Variants in ATG16L2 observed in about 807,000 individuals in gnomAD.
ATG16L2 encodes protein Atg16l2.
ATG16L2 carries 77 observed loss-of-function variants against 84.7 expected under a neutral mutation model. The observed-to-expected ratio is 0.91, with a 90% CI of 0.76 to 1.10. The LOEUF (loss-of-function observed/expected upper bound fraction) is 1.10, where lower values mean the gene tolerates loss of function less well. Among genes scored for constraint, ATG16L2 ranks in the 50% least tolerant of loss-of-function variants. The pLI is 0.00. For missense variants in ATG16L2, 782 were observed against 817.6 expected (o/e 0.96, Z 0.53); for synonymous variants, 361 against 342.8 (o/e 1.05, Z -0.59).
chr11:72,833,870 C>G (rs1565276094), downstream of ATG16L2, among the ~76,000 whole-genome samples: 1 of 151,762 alleles, frequency 6.6e-6, no homozygotes, highest in Non-Finnish European at 1.5e-5. Flanking sequence ...TTGCAGTGAG[C>G]TGACATAGTG....
At position 72,822,607 on chromosome 11, in the gene ATG16L2, G is replaced by T; in HGVS notation, c.710+64G>T. On this transcript the variant is annotated intron_variant, in intron 6 of 17. Coordinates refer to ENST00000321297, the MANE Select transcript of ATG16L2 (RefSeq NM_033388.2). The surrounding 1 kb of genome is among the most constrained non-coding windows in gnomAD (Gnocchi z 4.2). ...GCCTCCCGCCCCGCCTGCCTGCGGC[G>T]ACCCAGGCTGCCGACTGTACTTGTG... The T allele has an allele frequency of 1.9e-6, 3 of 1,580,612 alleles. No homozygotes were observed. In the South Asian group the frequency reaches 3.4e-5, roughly 18 times the overall value.
At position 72,822,917 on chromosome 11, in the gene ATG16L2, G is replaced by A. The variant is rs1860099403; in HGVS notation, c.780G>A (p.Glu260=). 8.2e-6 allele frequency: 13 copies of A among 1,579,738 alleles called. No homozygotes were observed. The highest frequency in any genetic ancestry group is 1.8e-5 in the Admixed American group (1 of 54,322). The change falls in exon 7 of 18, where the codon GAG becomes GAA. Residue 260 remains glutamate (E), a synonymous_variant. Transcript: ENST00000321297. This position sits in a 1 kb window ranked among gnomAD's most constrained non-coding sequence, Gnocchi z 4.2. ...CTCTGGCTCTGGCCCCTGAGCCAGA[G>A]CCCCTGGAGAAGGAAGCTTGTGAGA... The part of the protein sequence containing the change: ...RETLALAPEP[E]PLEKEACEKW...
downstream of ATG16L2, among the ~76,000 whole-genome samples, chr11:72,834,009 T>C (rs1860663244): frequency 1.3e-5 from 2 of 151,690 alleles, no homozygotes; most frequent in Admixed American, 1.3e-4. Context: ...TTTTTTGGCC[T>C]CTGGGACCGA....
chr11:72,814,614 G>T, intron 1 of ATG16L2, 51 bp downstream of exon 1: 1 of 1,455,970 alleles, frequency 6.9e-7, no homozygotes, highest in Non-Finnish European at 9.3e-7. Context: ...ACGCGGCTAC[G>T]GGCGCGGGGA....
chr11:72,819,697 A>T (rs1200425076), intron 3 of ATG16L2, among the ~76,000 whole-genome samples: 1 of 150,744 alleles, frequency 6.6e-6, no homozygotes, highest in Non-Finnish European at 1.5e-5. Flanking sequence ...ACCAGCCAGT[A>T]CCCATTGGAT....
At chr11:72,838,978 A>AG in intron 5 of ATG16L2, 5 of 938,930 alleles carry the variant, frequency 5.3e-6, no homozygotes, top group South Asian at 4.4e-5. Context: ...TGGGCACCCT[A>AG]GGGGTCTCAG....
At chr11:72,823,023 G>T (rs2135100845) in intron 7 of ATG16L2, 62 bp downstream of exon 7, 2 of 1,253,418 alleles carry the variant, frequency 1.6e-6, no homozygotes, top group South Asian at 1.4e-5. Context: ...GGCTGCCAGG[G>T]TCTTCCTCTT....
At chr11:72,821,584 C>G (rs927130423) in intron 3 of ATG16L2, 84 bp from the exon 4 acceptor site, 1 of 1,495,442 alleles carries the variant, frequency 6.7e-7, no homozygotes. Flanking sequence ...GGTGAGCAGC[C>G]GACTCCCTTA....
Position 72,821,654 on chromosome 11 carries a change from C to A in ATG16L2, c.319-14C>A. ...GGGGCCTCAGCGCCGCCGTGCCCAC[C>A]TGTCCGCCCCCAGATGGCCTACCAG... On this transcript the variant is annotated splice_polypyrimidine_tract_variant and intron_variant, in intron 3 of 17. Transcript: ENST00000321297. 1 of 1,532,190 alleles carries A rather than the reference C, an allele frequency of 6.5e-7. No individual in the cohort carries two copies. Among genetic ancestry groups the A allele is most frequent in the South Asian group, 1.2e-5 (1 of 83,666 alleles). The allele number at this position is 1,532,190 out of a possible 1,614,324, so 94.9% of individuals were successfully genotyped here. A position where few individuals can be genotyped will look rare whatever the true frequency, so the allele number is the denominator to read the frequency against.
chr11:72,823,334 T>G (rs975939825), intron 7 of ATG16L2: 1 of 316,550 alleles, frequency 3.2e-6, no homozygotes, highest in Non-Finnish European at 6.2e-6. Context: ...CGCAGGGACA[T>G]GAGGCCACAG....
chr11:72,827,868 G>C (rs1352549465), intron 14 of ATG16L2, among the ~76,000 whole-genome samples: 1 of 152,228 alleles, frequency 6.6e-6, no homozygotes, highest in Non-Finnish European at 1.5e-5. Flanking sequence ...GGGAGGCAGA[G>C]GTTGCAGTGA....
At chr11:72,821,922 G>C (rs1385143539) in intron 4 of ATG16L2, 122 bp from the exon 5 acceptor site, 3 of 1,423,712 alleles carry the variant, frequency 2.1e-6, no homozygotes, top group Admixed American at 2.8e-5. Context: ...GGGGAGACCT[G>C]GCTTAGCCAC....
chr11:72,842,988 AC>A (rs1301889852), exon 6 of ATG16L2: 8 of 868,336 alleles, frequency 9.2e-6, no homozygotes, highest in Non-Finnish European at 1.4e-5. Context: ...TGAATGATTA[AC>A]TTTAGGGTTC....
intron 3 of ATG16L2, among the ~76,000 whole-genome samples, chr11:72,820,780 T>C (rs1859945935): frequency 6.6e-6 from 1 of 152,024 alleles, no homozygotes; most frequent in Non-Finnish European, 1.5e-5. Context: ...CATGTTCTCT[T>C]GTCACACTGG....
At position 72,822,260 on chromosome 11, in the gene ATG16L2, G is replaced by GGCCGAGCGCAACCTGCGC. The variant is rs755066191; in HGVS notation, c.610_627dup (p.Ala204_Arg209dup). The GGCCGAGCGCAACCTGCGC allele has an allele frequency of 5.3e-5, 80 of 1,500,568 alleles. No individual in the cohort carries two copies. Among genetic ancestry groups the GGCCGAGCGCAACCTGCGC allele is most frequent in the Admixed American group, 2.8e-4 (12 of 42,442 alleles). 93.0% of individuals were successfully genotyped at this position (1,500,568 alleles called of 1,614,324 possible). A position where few individuals can be genotyped will look rare whatever the true frequency, so the allele number is the denominator to read the frequency against. ...TCGTGCAGCGCAAGGCGCGCGCCGC[G>GGCCGAGCGCAACCTGCGC]GCCGAGCGCAACCTGCGCAACGAGC... On this transcript the variant is annotated inframe_insertion, in exon 5 of 18. Transcript: ENST00000321297. The surrounding 1 kb of genome is among the most constrained non-coding windows in gnomAD (Gnocchi z 4.2).
rs532549331 is a variant in ATG16L2 at position 72,841,601 on chromosome 11, G to A, written c.*22-1016G>A. 5.0e-5 allele frequency: 79 copies of A among 1,583,236 alleles called. 1 individual carries two copies. The South Asian group carries it at 7.3e-4, about 15-fold the overall frequency. On this transcript the variant is annotated intron_variant, in intron 5 of 5. Transcript: ENST00000534905. ...GGAGAGATCTGCAGCAAAGGGAAGC[G>A]AGGTTACCCGGTGCTCCCCTCCAGG...
In ATG16L2 at chr11:72,822,981, T is replaced by C; in HGVS notation, c.824+20T>C. ...CTTCAGGTGAGGACCCAGGTGACAGTCTCAGAGCTCTGAGCTGAGCCCCAC... is the reference window on the plus strand; with the variant it reads ...CTTCAGGTGAGGACCCAGGTGACAGCCTCAGAGCTCTGAGCTGAGCCCCAC... On this transcript the variant is annotated intron_variant, in intron 7 of 17. Coordinates refer to ENST00000321297, the MANE Select transcript of ATG16L2 (RefSeq NM_033388.2). The surrounding 1 kb of genome is among the most constrained non-coding windows in gnomAD (Gnocchi z 4.2). The C allele has an allele frequency of 1.3e-6, 2 of 1,519,806 alleles. No homozygotes were observed. Among genetic ancestry groups the C allele is most frequent in the South Asian group, 1.2e-5 (1 of 83,390 alleles). 94.1% of individuals were successfully genotyped at this position (1,519,806 alleles called of 1,614,324 possible).
intron 13 of ATG16L2, 120 bp from the exon 14 acceptor site, chr11:72,827,068 G>T (rs746210320): frequency 2.5e-5 from 22 of 880,582 alleles, no homozygotes; most frequent in Non-Finnish European, 3.5e-5. Context: ...GGAAGCGGAA[G>T]ACCTGGGTTC....
intron 9 of ATG16L2, 58 bp from the exon 10 acceptor site, chr11:72,825,244 G>C: frequency 7.3e-7 from 1 of 1,364,864 alleles, no homozygotes; most frequent in East Asian, 2.3e-5. Flanking sequence ...GGGCCCGTGA[G>C]CACTCACAGA....
Sources: gnomAD v4.1 joint callset for allele counts (sites outside exome capture counted in the v4.1 genomes callset) on GRCh38, gnomAD v4.1.1 for gene constraint, Gnocchi (gnomAD v3.1) non-coding constraint, MANE v1.5 for transcripts, NCBI Gene and HGNC (gene_info 2026-07-23, HGNC 2026-07-21) for gene names.